Variants in ADAM10 observed in about 807,000 individuals in gnomAD.
ADAM10 encodes the protein disintegrin and metalloproteinase domain-containing protein 10.
Under a neutral mutation model 90.1 loss-of-function variants are expected in ADAM10, and 17 were observed. That is an observed-to-expected ratio of 0.19 (90% CI 0.13 to 0.28). The LOEUF is 0.28. Ranked by LOEUF, ADAM10 falls within the 10% of genes least tolerant of loss-of-function variation. The probability of loss-of-function intolerance (pLI) is 1.00; values close to 1 mark genes in which losing one functional copy is unlikely to be tolerated. For missense variants in ADAM10, 610 were observed against 914.3 expected (o/e 0.67, Z 4.29); for synonymous variants, 310 against 298.6 (o/e 1.04, Z -0.40).
chr15:58,738,230 A>G (rs1055002709), intron 1 of ADAM10, among the ~76,000 whole-genome samples: 1 of 152,208 alleles, frequency 6.6e-6, no homozygotes, highest in Non-Finnish European at 1.5e-5. Flanking sequence ...CATCAACTAC[A>G]TGTCATAGGC....
intron 1 of ADAM10, among the ~76,000 whole-genome samples, chr15:58,745,344 T>C (rs1899756951): frequency 6.6e-6 from 1 of 152,226 alleles, no homozygotes; most frequent in African/African-American, 2.4e-5. Context: ...GTTTGTATCC[T>C]ATTCTTAAAT....
chr15:58,642,220 A>C (rs1483955108), intron 7 of ADAM10, among the ~76,000 whole-genome samples: 2 of 152,168 alleles, frequency 1.3e-5, no homozygotes. Context: ...TAATCCCAGC[A>C]CTTTGGGAGG....
At chr15:58,634,352 C>T (rs1213747030) in intron 8 of ADAM10, among the ~76,000 whole-genome samples, 5 of 151,290 alleles carry the variant, frequency 3.3e-5, no homozygotes, top group South Asian at 2.1e-4. Context: ...GCAACCTTTC[C>T]GCAGGTTTGA....
intron 2 of ADAM10, chr15:58,686,445 G>T: frequency 7.2e-7 from 1 of 1,383,446 alleles, no homozygotes; most frequent in Non-Finnish European, 1.0e-6. Flanking sequence ...GCCCTGCAGT[G>T]CCTGGTGGAG....
intron 5 of ADAM10, among the ~76,000 whole-genome samples, chr15:58,655,696 G>GTGTATA (rs1896796069): frequency 2.9e-5 from 2 of 68,260 alleles, no homozygotes; most frequent in African/African-American, 7.9e-5. Flanking sequence ...ATTATATATA[G>GTGTATA]TATATATATA....
At chr15:58,628,153 TAA>T (rs1232559269) in intron 9 of ADAM10, among the ~76,000 whole-genome samples, 2 of 152,234 alleles carry the variant, frequency 1.3e-5, no homozygotes, top group African/African-American at 2.4e-5. Context: ...CAGACTGTCA[TAA>T]AAGTCTATTA....
chr15:58,733,314 ATCCCC>A (rs1899319270), intron 1 of ADAM10, among the ~76,000 whole-genome samples: 1 of 152,176 alleles, frequency 6.6e-6, no homozygotes, highest in Non-Finnish European at 1.5e-5. Context: ...GTGGTTCTTC[ATCCCC>A]TCCCTCAGAG....
chr15:58,602,482 G>A (rs1441809007), intron 14 of ADAM10, among the ~76,000 whole-genome samples: 1 of 152,112 alleles, frequency 6.6e-6, no homozygotes, highest in African/African-American at 2.4e-5. Context: ...CCAACACTCT[G>A]CTCTGTGCCA....
chr15:58,623,541 T>C (rs971513090), intron 10 of ADAM10, among the ~76,000 whole-genome samples: 16 of 152,168 alleles, frequency 1.1e-4, no homozygotes, highest in African/African-American at 2.2e-4. Flanking sequence ...CTATTTATAA[T>C]AGCAAACACA....
Position 58,589,603 on chromosome 15 carries a change from G to A in ADAM10, c.*7944C>T, listed in dbSNP as rs1231612450. 6.6e-6 allele frequency: 1 copy of A among 152,248 alleles called. No individual in the cohort carries two copies. The highest frequency in any genetic ancestry group is 1.5e-5 in the Non-Finnish European group (1 of 68,072). The allele number at this position is 152,248 out of a possible 1,614,324, so 9.4% of individuals were successfully genotyped here. Reference sequence around the variant, plus strand: ...AGTCCTTTGGGGGCTGTGAAAAATTGCAGCAGGTTGATAAGTGAATGGGAG... The same window carrying A: ...AGTCCTTTGGGGGCTGTGAAAAATTACAGCAGGTTGATAAGTGAATGGGAG... On this transcript the variant is annotated 3_prime_UTR_variant, in exon 16 of 16. Transcript: ENST00000260408.
chr15:58,665,294 T>C, intron 4 of ADAM10, 97 bp from the exon 5 acceptor site: 1 of 979,978 alleles, frequency 1.0e-6, no homozygotes, highest in Admixed American at 1.8e-5. Context: ...TCTTAACTAA[T>C]GAAAACCATA....
intron 3 of ADAM10, among the ~76,000 whole-genome samples, chr15:58,679,689 G>A (rs947603371): frequency 4.6e-5 from 7 of 152,240 alleles, no homozygotes; most frequent in Admixed American, 2.0e-4. Flanking sequence ...CAGATCACTC[G>A]AGGCCAGGAG....
At position 58,749,634 on chromosome 15, in the gene ADAM10, G is replaced by A; in HGVS notation, c.-100C>T. The A allele has an allele frequency of 2.0e-6, 3 of 1,530,640 alleles. No homozygotes were observed. In the Admixed American group the frequency reaches 6.0e-5, roughly 31 times the overall value. 94.8% of individuals were successfully genotyped at this position (1,530,640 alleles called of 1,614,324 possible). On this transcript the variant is annotated 5_prime_UTR_variant, in exon 1 of 16. Transcript: ENST00000260408. The stretch of plus-strand genomic sequence containing the variant: ...AAGGGGCTTGGTCCGGAGCCTCCAC[G>A]GGAAGCCGGGACCTCCCCTGGCAGG...
At chr15:58,709,364 T>C (rs1181247307) in intron 2 of ADAM10, among the ~76,000 whole-genome samples, 1 of 152,136 alleles carries the variant, frequency 6.6e-6, no homozygotes, top group African/African-American at 2.4e-5. Context: ...AAAAACAATA[T>C]ATAGGCTTTT....
intron 4 of ADAM10, among the ~76,000 whole-genome samples, chr15:58,673,123 G>C (rs1414579418): frequency 3.9e-5 from 6 of 152,008 alleles, no homozygotes; most frequent in Non-Finnish European, 7.4e-5. Context: ...GTTGATGAGA[G>C]AGCATAAAGA....
At chr15:58,732,259 G>C (rs1899274432) in intron 1 of ADAM10, 1 of 152,352 alleles carries the variant, frequency 6.6e-6, no homozygotes, top group South Asian at 2.1e-4. Context: ...TAAAGCCTTA[G>C]GAGTGTGGTG....
At chr15:58,648,968 G>C (rs892407896) in intron 5 of ADAM10, among the ~76,000 whole-genome samples, 2 of 152,036 alleles carry the variant, frequency 1.3e-5, no homozygotes. Flanking sequence ...TTTAGGAGCA[G>C]TTTTTGTAAA....
intron 8 of ADAM10, among the ~76,000 whole-genome samples, chr15:58,638,614 CAAAAAAAAAAAA>C (rs60048171): frequency 6.4e-5 from 5 of 78,218 alleles, no homozygotes; most frequent in Non-Finnish European, 1.1e-4. Context: ...CACTCTGTCT[CAAAAAAAAAAAA>C]AAAAAAAAAG....
At chr15:58,727,505 T>C (rs1240547262) in intron 1 of ADAM10, among the ~76,000 whole-genome samples, 2 of 152,104 alleles carry the variant, frequency 1.3e-5, no homozygotes, top group Non-Finnish European at 2.9e-5. Context: ...TAATCTTTCT[T>C]ATTTTTTGTA....
Sources: allele counts gnomAD v4.1 joint callset (sites outside exome capture counted in the v4.1 genomes callset), GRCh38; gene constraint gnomAD v4.1.1; transcripts MANE v1.5; gene names NCBI Gene and HGNC (gene_info 2026-07-23, HGNC 2026-07-21).